CLMP: variants seen among roughly 807,000 people sequenced by gnomAD.
CLMP encodes CXADR like cell adhesion molecule, also known as CXADR-like membrane protein.
CLMP carries 27 observed loss-of-function variants against 45.2 expected under a neutral mutation model. The ratio of observed to expected loss-of-function variants is 0.60; its 90% confidence interval spans 0.44 to 0.82. The LOEUF is 0.82. CLMP is among the 40% of genes least tolerant of loss of function. CLMP has a pLI of 0.00. For synonymous variants in CLMP, 167 were observed against 171.4 expected (o/e 0.97, Z 0.20); for missense variants, 403 against 448.4 (o/e 0.90, Z 0.91).
intron 1 of CLMP, among the ~76,000 whole-genome samples, chr11:123,150,469 AAG>A (rs1411090597): frequency 8.1e-4 from 88 of 109,162 alleles, no homozygotes; most frequent in Non-Finnish European, 1.4e-3. Context: ...GAAAGAAAGA[AAG>A]AAAGAAAGAA....
At chr11:123,124,702 C>CG (rs1860864846) in intron 1 of CLMP, among the ~76,000 whole-genome samples, 1 of 152,186 alleles carries the variant, frequency 6.6e-6, no homozygotes, top group Non-Finnish European at 1.5e-5. Context: ...GTGAACAAAA[C>CG]GGATATTCTC....
intron 1 of CLMP, among the ~76,000 whole-genome samples, chr11:123,179,002 T>G (rs2135546421): frequency 6.6e-6 from 1 of 152,254 alleles, no homozygotes; most frequent in East Asian, 1.9e-4. Flanking sequence ...CTCAGGCTGG[T>G]CTCCAACTCC....
At chr11:123,089,581 C>A (rs11218974) in intron 2 of CLMP, among the ~76,000 whole-genome samples, 2,967 of 151,492 alleles carry the variant, frequency 0.02, 78 homozygotes, top group East Asian at 0.14. Flanking sequence ...CTGGCTAACA[C>A]GGTGAAACCC....
At chr11:123,076,898 G>A (rs372192150) in intron 5 of CLMP, among the ~76,000 whole-genome samples, 2 of 151,992 alleles carry the variant, frequency 1.3e-5, no homozygotes, top group South Asian at 2.1e-4. Flanking sequence ...GATCATGATG[G>A]ATTAGGCTAG....
intron 1 of CLMP, among the ~76,000 whole-genome samples, chr11:123,114,957 TAC>T: frequency 6.6e-6 from 1 of 152,338 alleles, no homozygotes; most frequent in East Asian, 1.9e-4. Context: ...ATTGGACTGC[TAC>T]CCAGTATAGG....
At chr11:123,135,517 C>T (rs1190359130) in intron 1 of CLMP, among the ~76,000 whole-genome samples, 2 of 140,872 alleles carry the variant, frequency 1.4e-5, no homozygotes, top group Non-Finnish European at 3.3e-5. Flanking sequence ...AAGATGATTG[C>T]CTGTAGGTTT....
intron 1 of CLMP, among the ~76,000 whole-genome samples, chr11:123,122,981 G>C (rs1041048255): frequency 1.3e-5 from 2 of 152,118 alleles, no homozygotes; most frequent in African/African-American, 4.8e-5. Flanking sequence ...GGCCTGCTCT[G>C]CTCAAAATAA....
At chr11:123,138,393 T>G (rs1344123265) in intron 1 of CLMP, among the ~76,000 whole-genome samples, 2 of 152,166 alleles carry the variant, frequency 1.3e-5, no homozygotes, top group East Asian at 1.9e-4. Context: ...TGTGTATGTG[T>G]GTGTACACAT....
chr11:123,107,864 G>A (rs1860582355), intron 1 of CLMP, among the ~76,000 whole-genome samples: 1 of 151,866 alleles, frequency 6.6e-6, no homozygotes, highest in Admixed American at 6.6e-5. Flanking sequence ...AAGTCTAAAT[G>A]TTGCAGTGCA....
At chr11:123,190,330 T>C (rs1861892715) in intron 1 of CLMP, among the ~76,000 whole-genome samples, 1 of 152,126 alleles carries the variant, frequency 6.6e-6, no homozygotes, top group South Asian at 2.1e-4. Flanking sequence ...GAGTGAACAG[T>C]GCCTGAAAAA....
intron 1 of CLMP, among the ~76,000 whole-genome samples, chr11:123,189,612 T>C (rs1187147995): frequency 6.6e-6 from 1 of 152,216 alleles, no homozygotes; most frequent in Non-Finnish European, 1.5e-5. Flanking sequence ...ATACATCTCA[T>C]ATTTCAAAAT....
chr11:123,086,414 A>T (rs1054410695), intron 2 of CLMP, among the ~76,000 whole-genome samples: 1 of 152,220 alleles, frequency 6.6e-6, no homozygotes, highest in African/African-American at 2.4e-5. Context: ...GCACTAAAAA[A>T]GGCATGCAAG....
At chr11:123,114,431 C>CCTCCCTCCCTCCCTCCCTCCCTCCCTCT in intron 1 of CLMP, among the ~76,000 whole-genome samples, 1 of 138,022 alleles carries the variant, frequency 7.2e-6, no homozygotes, top group Admixed American at 7.5e-5. Context: ...TCTTTCCCTC[C>CCTCCCTCCCTCCCTCCCTCCCTCCCTCT]CTCCCTCCCT....
At chr11:123,150,966 G>A (rs1411962028) in intron 1 of CLMP, among the ~76,000 whole-genome samples, 4 of 152,176 alleles carry the variant, frequency 2.6e-5, no homozygotes, top group Non-Finnish European at 5.9e-5. Context: ...GCCTCCCAAA[G>A]TGCTGGGATT....
At position 123,150,479 on chromosome 11, in the gene CLMP, G is replaced by GAAAGAAAGAAAGAA. The variant is rs1555084536; in HGVS notation, c.28+44433_28+44434insTTCTTTCTTTCTTT. On this transcript the variant is annotated intron_variant, in intron 1 of 6. Transcript: ENST00000448775. ...AGAAAGAAAGAAAGAAAGAAAGAAA[G>GAAAGAAAGAAAGAA]AAAGGAAGGAAGGAAGGAAGGAAGG... 2.4e-3 allele frequency among the ~76,000 whole-genome samples: 254 copies of GAAAGAAAGAAAGAA among 106,592 alleles called. 6 individuals carry two copies. The highest frequency in any genetic ancestry group is 3.4e-3 in the Non-Finnish European group (168 of 49,272). 69.9% of individuals were successfully genotyped at this position (106,592 alleles called of 152,430 possible).
At chr11:123,120,923 G>A (rs892580147) in intron 1 of CLMP, among the ~76,000 whole-genome samples, 4 of 151,952 alleles carry the variant, frequency 2.6e-5, no homozygotes, top group Non-Finnish European at 4.4e-5. Context: ...TCAGGAGATC[G>A]AGACCATCCT....
intron 5 of CLMP, among the ~76,000 whole-genome samples, chr11:123,081,514 T>A (rs915221181): frequency 1.3e-5 from 2 of 152,180 alleles, no homozygotes; most frequent in African/African-American, 2.4e-5. Flanking sequence ...GAACACCCAC[T>A]GTATGTCAAG....
Position 123,083,836 on chromosome 11 carries a change from T to C in CLMP, c.400A>G (p.Lys134Glu), listed in dbSNP as rs1865832932. The C allele has an allele frequency of 6.2e-7, 1 of 1,613,118 alleles. No individual in the cohort carries two copies. The highest frequency in any genetic ancestry group is 8.5e-7 in the Non-Finnish European group (1 of 1,179,976). The change falls in exon 4 of 7, where the codon AAG (lysine) becomes GAG (glutamate). Residue 134 changes from lysine (K) to glutamate (E), a missense_variant. By Grantham distance (56) the Lys-to-Glu change is moderately conservative. Transcript: ENST00000448775. Reference sequence around the variant, plus strand: ...TCTCCTTCCAACTCACACTTGGGCTTGGATGGTCTCACTGGCAACAGCAAC... The same window carrying C: ...TCTCCTTCCAACTCACACTTGGGCTCGGATGGTCTCACTGGCAACAGCAAC... Reference protein sequence around the residue: ...VILKVLVRPSKPKCELEGELT... With the variant: ...VILKVLVRPSEPKCELEGELT...
At chr11:123,091,059 A>T (rs114609502) in intron 2 of CLMP, among the ~76,000 whole-genome samples, 147 of 152,096 alleles carry the variant, frequency 9.7e-4, no homozygotes, top group African/African-American at 3.3e-3. Flanking sequence ...GTGGTACTGG[A>T]GTGATTCTTT....
Sources: gnomAD v4.1 joint callset for allele counts (sites outside exome capture counted in the v4.1 genomes callset) on GRCh38, gnomAD v4.1.1 for gene constraint, MANE v1.5 for transcripts, NCBI Gene and HGNC (gene_info 2026-07-23, HGNC 2026-07-21) for gene names.